SPTBN1: variants seen among roughly 807,000 people sequenced by gnomAD.
The protein encoded by SPTBN1 is spectrin beta, non-erythrocytic 1.
Under a neutral mutation model 266.4 loss-of-function variants are expected in SPTBN1, and 32 were observed. The ratio of observed to expected loss-of-function variants is 0.12; its 90% CI spans 0.09 to 0.16. The LOEUF (loss-of-function observed/expected upper bound fraction) is 0.16. Among genes scored for constraint, SPTBN1 ranks in the 10% least tolerant of loss-of-function variants. The probability of loss-of-function intolerance (pLI) is 1.00; values close to 1 mark genes in which losing one functional copy is unlikely to be tolerated. For missense variants in SPTBN1, 2,296 were observed against 3,067.1 expected (o/e 0.75, Z 5.94); for synonymous variants, 1,336 against 1,162.2 (o/e 1.15, Z -3.04).
intron 1 of SPTBN1, among the ~76,000 whole-genome samples, chr2:54,491,106 T>C (rs971149267): frequency 2.0e-5 from 3 of 152,270 alleles, no homozygotes; most frequent in Non-Finnish European, 1.5e-5. Context: ...AGTCAGGAAG[T>C]TGTGGCAATA....
intron 5 of SPTBN1, 151 bp from the exon 6 acceptor site, chr2:54,617,457 A>T: frequency 1.7e-6 from 1 of 577,572 alleles, no homozygotes; most frequent in Non-Finnish European, 2.9e-6. Context: ...GAGTTGACGG[A>T]TTATTTGTTC....
chr2:54,570,234 G>A (rs2104517077), intron 2 of SPTBN1, among the ~76,000 whole-genome samples: 1 of 152,166 alleles, frequency 6.6e-6, no homozygotes, highest in South Asian at 2.1e-4. Context: ...GCCCTTCTTA[G>A]CCTTTCTCTC....
intron 28 of SPTBN1, 78 bp downstream of exon 28, chr2:54,655,286 C>T: frequency 1.9e-6 from 3 of 1,549,856 alleles, no homozygotes; most frequent in South Asian, 1.2e-5. Context: ...TTGTGTGTGT[C>T]AGAGATACTG....
chr2:54,507,803 T>C (rs867126940), intron 1 of SPTBN1, among the ~76,000 whole-genome samples: 83 of 39,350 alleles, frequency 2.1e-3, no homozygotes, highest in Middle Eastern at 0.014. Flanking sequence ...TAGAGTCCCC[T>C]TTTTTTTTTT....
Position 54,518,185 on chromosome 2 carries a change from T to C in SPTBN1, c.-47-8187T>C, listed in dbSNP as rs572857464. ...CTAGCCCCATGTACCTGAGTAATAA[T>C]AGGTCAGACAGGTTATTAAGAAACA... On this transcript the variant is annotated intron_variant, in intron 1 of 35. Transcript: ENST00000356805. 5.9e-5 allele frequency among the ~76,000 whole-genome samples: 9 copies of C among 152,146 alleles called. No individual in the cohort carries two copies. The East Asian group carries it at 1.5e-3, about 26-fold the overall frequency.
intron 2 of SPTBN1, among the ~76,000 whole-genome samples, chr2:54,544,620 A>T (rs2104408666): frequency 6.6e-6 from 1 of 152,346 alleles, no homozygotes; most frequent in Admixed American, 6.5e-5. Context: ...GAGACCTATT[A>T]AAAAATGTCA....
intron 9 of SPTBN1, among the ~76,000 whole-genome samples, chr2:54,622,859 A>G (rs78001114): frequency 0.039 from 5,922 of 152,316 alleles, 148 homozygotes; most frequent in Admixed American, 0.087. Flanking sequence ...GACTAAGGCA[A>G]TAGCCCATAA....
intron 31 of SPTBN1, 65 bp from the exon 32 acceptor site, chr2:54,659,867 CCTTT>C (rs1680920042): frequency 2.3e-5 from 36 of 1,552,290 alleles, no homozygotes; most frequent in Non-Finnish European, 3.1e-5. Flanking sequence ...GTTCTCCCAC[CCTTT>C]CTTACTGTTT....
chr2:54,611,724 A>C (rs1677230624), intron 3 of SPTBN1, among the ~76,000 whole-genome samples: 1 of 151,938 alleles, frequency 6.6e-6, no homozygotes, highest in Non-Finnish European at 1.5e-5. Context: ...CCCTGTTTTC[A>C]TTTTGAGCCA....
At chr2:54,569,981 C>G (rs546309187) in intron 2 of SPTBN1, among the ~76,000 whole-genome samples, 3 of 147,926 alleles carry the variant, frequency 2.0e-5, no homozygotes, top group Non-Finnish European at 3.0e-5. Flanking sequence ...TCCCCCCCCC[C>G]TTTAGAAAGA....
intron 2 of SPTBN1, among the ~76,000 whole-genome samples, chr2:54,564,423 A>C (rs1673534244): frequency 1.3e-5 from 2 of 152,130 alleles, no homozygotes; most frequent in Admixed American, 6.5e-5. Context: ...CGTCTGCTTT[A>C]GTCTCTTTTC....
chr2:54,543,592 G>T (rs985918626), intron 2 of SPTBN1, among the ~76,000 whole-genome samples: 7 of 148,022 alleles, frequency 4.7e-5, no homozygotes, highest in Admixed American at 1.3e-4. Context: ...AAAAATACTT[G>T]TTTTTTTTTT....
At chr2:54,478,667 T>C (rs1667964155) in intron 1 of SPTBN1, among the ~76,000 whole-genome samples, 1 of 152,194 alleles carries the variant, frequency 6.6e-6, no homozygotes, top group Non-Finnish European at 1.5e-5. Context: ...CTATTTCCAG[T>C]GTGCTGAACC....
At chr2:54,630,610 C>G (rs1310619043) in intron 15 of SPTBN1, among the ~76,000 whole-genome samples, 1 of 152,236 alleles carries the variant, frequency 6.6e-6, no homozygotes, top group African/African-American at 2.4e-5. Flanking sequence ...TAATTGCTCA[C>G]ATTGGAGCTC....
intron 7 of SPTBN1, among the ~76,000 whole-genome samples, chr2:54,620,050 A>G (rs760349933): frequency 6.6e-5 from 10 of 152,212 alleles, no homozygotes; most frequent in Non-Finnish European, 1.2e-4. Context: ...TGCTTACTCA[A>G]TATTGCCGAA....
chr2:54,588,181 GCCTCCTCCCCTTCCT>G (rs1156779263), intron 2 of SPTBN1, among the ~76,000 whole-genome samples: 3 of 152,126 alleles, frequency 2.0e-5, no homozygotes, highest in Non-Finnish European at 4.4e-5. Flanking sequence ...GGTATCATCA[GCCTCCTCCCCTTCCT>G]CTTCCTCCTC....
chr2:54,640,436 A>G (rs533792742), intron 18 of SPTBN1, among the ~76,000 whole-genome samples: 7 of 152,282 alleles, frequency 4.6e-5, no homozygotes, highest in South Asian at 2.1e-4. Flanking sequence ...GAGGACAGCT[A>G]TTGTACCAGC....
intron 2 of SPTBN1, among the ~76,000 whole-genome samples, chr2:54,585,277 CAACACAGAATA>C (rs1265711548): frequency 6.6e-6 from 1 of 152,208 alleles, no homozygotes; most frequent in Non-Finnish European, 1.5e-5. Flanking sequence ...TTTAAAGTAA[CAACACAGAATA>C]CTCTTGTGTT....
chr2:54,536,316 C>A (rs569882611), intron 2 of SPTBN1, among the ~76,000 whole-genome samples: 10 of 152,296 alleles, frequency 6.6e-5, no homozygotes, highest in African/African-American at 2.2e-4. Context: ...CTCAGAATGA[C>A]ACAAAGTATA....
Sources: allele counts gnomAD v4.1 joint callset (sites outside exome capture counted in the v4.1 genomes callset), GRCh38; gene constraint gnomAD v4.1.1; transcripts MANE v1.5; gene names NCBI Gene and HGNC (gene_info 2026-07-23, HGNC 2026-07-21).